Variants in ZNF8 observed in about 807,000 individuals in gnomAD.
ZNF8 encodes zinc finger protein 272.
Under a neutral mutation model 12.2 loss-of-function variants are expected in ZNF8, and 9 were observed. That is an observed-to-expected ratio of 0.73 (90% CI 0.44 to 1.28). The LOEUF (loss-of-function observed/expected upper bound fraction) is 1.28, where lower values mean the gene tolerates loss of function less well. Among genes scored for constraint, ZNF8 ranks in the 50% most tolerant of loss-of-function variants. The probability of loss-of-function intolerance (pLI) is 0.00; values close to 1 mark genes in which losing one functional copy is unlikely to be tolerated. For missense variants in ZNF8, 664 were observed against 729.1 expected (o/e 0.91, Z 1.03); for synonymous variants, 274 against 282.3 (o/e 0.97, Z 0.30).
At chr19:58,279,203 AGACT>A (rs2051323822) in intron 1 of ZNF8, 56 bp downstream of exon 1, 1 of 1,540,426 alleles carries the variant, frequency 6.5e-7, no homozygotes, top group Non-Finnish European at 8.7e-7. Flanking sequence ...TCTCCCGCGC[AGACT>A]GACCCTTTCA....
Position 58,301,165 on chromosome 19 carries a change from C to T in ZNF8, c.*5629C>T, listed in dbSNP as rs1028034078. The T allele has an allele frequency of 6.6e-6, 1 of 152,192 alleles. No individual in the cohort carries two copies. Among genetic ancestry groups the T allele is most frequent in the Non-Finnish European group, 1.5e-5 (1 of 68,074 alleles). 9.4% of individuals were successfully genotyped at this position (152,192 alleles called of 1,614,324 possible). On this transcript the variant is annotated 3_prime_UTR_variant, in exon 4 of 4. Transcript: ENST00000621650. ...CGAAAGCTCCCCAAACCCAGCCTAC[C>T]CCAAACAAAACTCATTTTCCACCCA...
At chr19:58,290,108 CTTTT>C (rs773199651) in intron 3 of ZNF8, among the ~76,000 whole-genome samples, 5 of 73,422 alleles carry the variant, frequency 6.8e-5, no homozygotes, top group East Asian at 8.7e-4. Context: ...TTTCAAGATT[CTTTT>C]TTTTTTTTTT....
At chr19:58,282,359 G>A (rs1231145506) in intron 1 of ZNF8, among the ~76,000 whole-genome samples, 1 of 152,070 alleles carries the variant, frequency 6.6e-6, no homozygotes, top group Non-Finnish European at 1.5e-5. Context: ...AGTTGTATGT[G>A]TTCATTACAT....
Position 58,295,386 on chromosome 19 carries a change from C to T in ZNF8, c.1578C>T (p.Gly526=), listed in dbSNP as rs140953458. ...CGAACTCCAGAAAGAGCTCTGCAGG[C>T]GGAGCAAAGGCAGGGCAGCCGGAAA... ...QHPNSRKSSA[G]GAKAGQPESR... The change falls in exon 4 of 4, where the codon GGC becomes GGT. Residue 526 remains glycine (G), a synonymous_variant. Transcript: ENST00000621650. 1.4e-4 allele frequency: 232 copies of T among 1,614,124 alleles called. 2 individuals carry two copies. The African/African-American group carries it at 1.9e-3, about 13-fold the overall frequency.
At position 58,296,403 on chromosome 19, in the gene ZNF8, T is replaced by G. The variant is rs902435390; in HGVS notation, c.*867T>G. The G allele has an allele frequency of 1.3e-5, 2 of 152,096 alleles. No homozygotes were observed. The highest frequency in any genetic ancestry group is 1.3e-4 in the Admixed American group (2 of 15,274). 9.4% of individuals were successfully genotyped at this position (152,096 alleles called of 1,614,324 possible). A position where few individuals can be genotyped will look rare whatever the true frequency, so the allele number is the denominator to read the frequency against. On this transcript the variant is annotated 3_prime_UTR_variant, in exon 4 of 4. Transcript: ENST00000621650. The stretch of plus-strand genomic sequence containing the variant: ...GCTATGAGCCAGAAGTTCTTTTTTT[T>G]GTTTTTTGTCTGAGATGGAGTCTCG...
intron 1 of ZNF8, chr19:58,279,807 C>T: frequency 6.9e-7 from 1 of 1,441,988 alleles, no homozygotes; most frequent in South Asian, 1.2e-5. Flanking sequence ...CTGTGTTCTC[C>T]ATAAAGCTGC....
Position 58,294,019 on chromosome 19 carries a change from C to A in ZNF8, c.290-79C>A. 2 of 1,330,432 alleles carry A rather than the reference C, an allele frequency of 1.5e-6. No homozygotes were observed. Among genetic ancestry groups the A allele is most frequent in the Non-Finnish European group, 2.1e-6 (2 of 968,332 alleles). The allele number at this position is 1,330,432 out of a possible 1,614,324, so 82.4% of individuals were successfully genotyped here. The stretch of plus-strand genomic sequence containing the variant: ...GCTGGTTAGGACCCCATTTCAATAT[C>A]AGGCCTATGGTGTTGGAGGCCTGTC... On this transcript the variant is annotated intron_variant, in intron 3 of 3. Transcript: ENST00000621650. The surrounding 1 kb of genome is among the most constrained non-coding windows in gnomAD (Gnocchi z 5.5).
In ZNF8 at chr19:58,295,066, G is replaced by A. The variant is rs749125647; in HGVS notation, c.1258G>A (p.Ala420Thr). ...CCTGGCCCAGCACCAGCGGAAGCAC[G>A]CGGGGGAGAAGCCCTTTGAGTGCCG... ...SSLAQHQRKH[A>T]GEKPFECRQR... The change falls in exon 4 of 4, where the codon GCG becomes ACG. Residue 420 changes from alanine (A) to threonine (T), a missense_variant. Ala to Thr is a moderately conservative substitution (Grantham distance 58). Around this residue, in one of 3 missense-constraint regions of ZNF8, gnomAD observed 225 missense variants for 222.0 expected, o/e 1.01. Coordinates refer to ENST00000621650, the MANE Select transcript of ZNF8 (RefSeq NM_021089.3). 1.7e-5 allele frequency: 28 copies of A among 1,613,932 alleles called. No individual in the cohort carries two copies. Among genetic ancestry groups the A allele is most frequent in the East Asian group, 2.2e-5 (1 of 44,898 alleles).
At chr19:58,279,274 T>G in intron 1 of ZNF8, 127 bp downstream of exon 1, 1 of 1,522,186 alleles carries the variant, frequency 6.6e-7, no homozygotes, top group Non-Finnish European at 8.8e-7. Context: ...GTGGGGAAAC[T>G]CAGACGCGGG....
rs546693195 is a variant in ZNF8, at chr19:58,285,570, G to T, written c.67-147G>T. The T allele has an allele frequency of 9.2e-4, 1,034 of 1,120,690 alleles. 15 individuals are homozygous for T. The Middle Eastern group carries it at 0.02, about 21-fold the overall frequency. The allele number at this position is 1,120,690 out of a possible 1,614,324, so 69.4% of individuals were successfully genotyped here. A position where few individuals can be genotyped will look rare whatever the true frequency, so the allele number is the denominator to read the frequency against. On this transcript the variant is annotated intron_variant, in intron 1 of 3. Transcript: ENST00000621650. Reference sequence around the variant, plus strand: ...ACACCTATGTGTAGTGGCCTAATAGGTGCCCAGTGAGACCTGACTCCCATC... The same window carrying T: ...ACACCTATGTGTAGTGGCCTAATAGTTGCCCAGTGAGACCTGACTCCCATC...
At chr19:58,279,748 G>A in intron 1 of ZNF8, 2 of 1,507,260 alleles carry the variant, frequency 1.3e-6, no homozygotes, top group Non-Finnish European at 1.8e-6. Context: ...AGTGTTTGCA[G>A]GGCCATCTGG....
chr19:58,279,635 C>A, intron 1 of ZNF8: 1 of 1,534,316 alleles, frequency 6.5e-7, no homozygotes, highest in Non-Finnish European at 8.7e-7. Context: ...TTGGGCACAA[C>A]CTCTTGGGGG....
In ZNF8 at chr19:58,279,039, C is replaced by T; in HGVS notation, c.-43C>T. On this transcript the variant is annotated 5_prime_UTR_variant, in exon 1 of 4. Transcript: ENST00000621650. ...CCTTTGGCTGGAGTGCCTCTCTGGTCTGGGGATCACCTCAGGCGCTGTCCT... is the reference window on the plus strand; with the variant it reads ...CCTTTGGCTGGAGTGCCTCTCTGGTTTGGGGATCACCTCAGGCGCTGTCCT... 1 of 1,395,042 alleles carries T rather than the reference C, an allele frequency of 7.2e-7. No homozygotes were observed. The highest frequency in any genetic ancestry group is 9.4e-7 in the Non-Finnish European group (1 of 1,066,002). The allele number at this position is 1,395,042 out of a possible 1,614,324, so 86.4% of individuals were successfully genotyped here. A position where few individuals can be genotyped will look rare whatever the true frequency, so the allele number is the denominator to read the frequency against.
chr19:58,288,137 G>A (rs577451045), intron 3 of ZNF8, among the ~76,000 whole-genome samples: 2 of 151,756 alleles, frequency 1.3e-5, no homozygotes, highest in African/African-American at 4.8e-5. Flanking sequence ...TGGGATTACA[G>A]GTGTGAGCCA....
chr19:58,286,342 G>C, intron 3 of ZNF8, 137 bp downstream of exon 3: 1 of 671,418 alleles, frequency 1.5e-6, no homozygotes, highest in Admixed American at 2.7e-5. Flanking sequence ...TCAGCATAGA[G>C]TCATGCTGAC....
chr19:58,279,733 C>CG (rs1253563161), intron 1 of ZNF8: 29 of 1,516,048 alleles, frequency 1.9e-5, no homozygotes, highest in Non-Finnish European at 2.6e-5. Flanking sequence ...CAGTGCAGGG[C>CG]GGTCAGTGTT....
chr19:58,283,143 A>G (rs1016822277), intron 1 of ZNF8, among the ~76,000 whole-genome samples: 1 of 146,378 alleles, frequency 6.8e-6, no homozygotes, highest in Admixed American at 6.9e-5. Context: ...ATTTTTTTCA[A>G]ATTTTTTTTG....
rs2051495406 is a variant in ZNF8 at position 58,302,214 on chromosome 19, A to G, written c.*6678A>G. The G allele has an allele frequency of 6.6e-6, 1 of 152,162 alleles. No homozygotes were observed. The allele number at this position is 152,162 out of a possible 1,614,324, so 9.4% of individuals were successfully genotyped here. A position where few individuals can be genotyped will look rare whatever the true frequency, so the allele number is the denominator to read the frequency against. ...TCCTCCGTGGAAATTACTGTTAACT[A>G]GGGAAAAGACATGTTTTTTTCTGTT... On this transcript the variant is annotated 3_prime_UTR_variant, in exon 4 of 4. Coordinates refer to ENST00000621650, the MANE Select transcript of ZNF8 (RefSeq NM_021089.3).
At chr19:58,292,468 C>T (rs1484880628) in intron 3 of ZNF8, among the ~76,000 whole-genome samples, 1 of 152,160 alleles carries the variant, frequency 6.6e-6, no homozygotes, top group Non-Finnish European at 1.5e-5. Flanking sequence ...AAAGGCCCCA[C>T]CCTCGTGACC....
Sources: gnomAD v4.1 joint callset for allele counts (sites outside exome capture counted in the v4.1 genomes callset) on GRCh38, gnomAD v4.1.1 for gene constraint, gnomAD v4.1.1 regional missense constraint, Gnocchi (gnomAD v3.1) non-coding constraint, MANE v1.5 for transcripts, NCBI Gene and HGNC (gene_info 2026-07-23, HGNC 2026-07-21) for gene names.